POLR2B: variants seen among roughly 807,000 people sequenced by gnomAD.
The protein encoded by POLR2B is DNA-directed RNA polymerase II subunit RPB2.
POLR2B carries 57 observed loss-of-function variants against 144.6 expected under a neutral mutation model. The observed-to-expected ratio is 0.39, with a 90% CI of 0.32 to 0.49. The LOEUF (loss-of-function observed/expected upper bound fraction) is 0.49. POLR2B is among the 20% of genes least tolerant of loss of function. The probability of loss-of-function intolerance (pLI) is 0.83; values close to 1 mark genes in which losing one functional copy is unlikely to be tolerated. For missense variants in POLR2B, 595 were observed against 1,467.4 expected (o/e 0.41, Z 9.71); for synonymous variants, 442 against 469.8 (o/e 0.94, Z 0.77).
At chr4:57,010,146 A>G in intron 10 of POLR2B, 1 of 489,846 alleles carries the variant, frequency 2.0e-6, no homozygotes. Context: ...GACCATAAAC[A>G]GAATGTTTAT....
rs554435829 is a variant in POLR2B at position 57,010,558 on chromosome 4, G to A, written c.1548+54G>A. ...AAAAAGTCAGTGGGTAATTATGTAG[G>A]GCATAATTACTTTTAGAAATAGATG... On this transcript the variant is annotated intron_variant, in intron 11 of 24. Coordinates refer to ENST00000314595, the MANE Select transcript of POLR2B (RefSeq NM_000938.3). The A allele has an allele frequency of 4.0e-6, 6 of 1,509,616 alleles. No homozygotes were observed. In the South Asian group the frequency reaches 7.4e-5, roughly 19 times the overall value. The allele number at this position is 1,509,616 out of a possible 1,614,324, so 93.5% of individuals were successfully genotyped here. A position where few individuals can be genotyped will look rare whatever the true frequency, so the allele number is the denominator to read the frequency against.
In POLR2B at chr4:56,978,935, GT is replaced by G; in HGVS notation, c.-46del. 2 of 1,597,984 alleles carry G rather than the reference GT, an allele frequency of 1.3e-6. No individual in the cohort carries two copies. The highest frequency in any genetic ancestry group is 1.7e-6 in the Non-Finnish European group (2 of 1,165,592). On this transcript the variant is annotated 5_prime_UTR_variant, in exon 1 of 25. Transcript: ENST00000314595. ...TCCTGGCGCTGCTGGCTTCTGGGCG[GT>G]TTTTGTCTTTTGATTTCAAGAGTTA...
At chr4:56,996,278 A>ATTTTT (rs869299001) in intron 6 of POLR2B, among the ~76,000 whole-genome samples, 7 of 59,740 alleles carry the variant, frequency 1.2e-4, no homozygotes, top group South Asian at 8.1e-4. Flanking sequence ...ATATATATAT[A>ATTTTT]TTTTTTTTTT....
At position 57,025,549 on chromosome 4, in the gene POLR2B, A is replaced by G. The variant is rs1723688304; in HGVS notation, c.3239+12A>G. 2.0e-6 allele frequency: 3 copies of G among 1,521,326 alleles called. No homozygotes were observed. The highest frequency in any genetic ancestry group is 1.1e-5 in the South Asian group (1 of 88,442). 94.2% of individuals were successfully genotyped at this position (1,521,326 alleles called of 1,614,324 possible). A position where few individuals can be genotyped will look rare whatever the true frequency, so the allele number is the denominator to read the frequency against. ...GAGGGTAGATCTCGGTAAGAACTGT[A>G]TCATCATCATTATTATTAATTAACC... is the stretch of plus-strand genomic sequence containing the variant. On this transcript the variant is annotated intron_variant, in intron 23 of 24. Coordinates refer to ENST00000314595, the MANE Select transcript of POLR2B (RefSeq NM_000938.3).
chr4:57,002,631 A>G (rs951175402), intron 7 of POLR2B: 5 of 152,178 alleles, frequency 3.3e-5, no homozygotes, highest in African/African-American at 1.2e-4. Context: ...TTTGGTTGAC[A>G]TGGCCTTTTT....
intron 1 of POLR2B, among the ~76,000 whole-genome samples, chr4:56,980,741 C>G (rs1176289246): frequency 6.6e-6 from 1 of 151,960 alleles, no homozygotes; most frequent in Admixed American, 6.6e-5. Flanking sequence ...CACCATCTGC[C>G]CAGTTTGAAC....
intron 23 of POLR2B, among the ~76,000 whole-genome samples, chr4:57,026,640 G>C (rs1436212531): frequency 1.3e-5 from 2 of 151,986 alleles, no homozygotes; most frequent in Non-Finnish European, 2.9e-5. Context: ...GCTCACACCT[G>C]TAATCCCAGC....
intron 1 of POLR2B, among the ~76,000 whole-genome samples, chr4:56,980,786 T>C (rs1722133426): frequency 6.6e-6 from 1 of 151,940 alleles, no homozygotes; most frequent in Non-Finnish European, 1.5e-5. Context: ...ATAACAGTTA[T>C]AAGAGGTTCT....
chr4:57,019,004 T>C (rs889650427), intron 16 of POLR2B, among the ~76,000 whole-genome samples: 6 of 152,196 alleles, frequency 3.9e-5, no homozygotes, highest in Non-Finnish European at 8.8e-5. Flanking sequence ...GTAACATTTG[T>C]TATTTGTTAG....
chr4:57,012,650 T>C (rs1723228692), intron 13 of POLR2B, among the ~76,000 whole-genome samples: 2 of 147,020 alleles, frequency 1.4e-5, no homozygotes, highest in Admixed American at 6.9e-5. Flanking sequence ...CAGCAGACCC[T>C]GAGTGTTTTT....
At chr4:57,001,239 A>G (rs976115167) in intron 7 of POLR2B, among the ~76,000 whole-genome samples, 1 of 151,848 alleles carries the variant, frequency 6.6e-6, no homozygotes, top group Non-Finnish European at 1.5e-5. Flanking sequence ...GCACAATCTC[A>G]GCTCTGCCTC....
At chr4:57,027,537 G>T (rs950700090) in intron 23 of POLR2B, among the ~76,000 whole-genome samples, 2 of 151,798 alleles carry the variant, frequency 1.3e-5, no homozygotes, top group Non-Finnish European at 2.9e-5. Flanking sequence ...AAACTCCTGA[G>T]CTTAAGTGAT....
intron 10 of POLR2B, 176 bp from the exon 11 acceptor site, chr4:57,010,185 C>A: frequency 1.7e-6 from 1 of 579,826 alleles, no homozygotes. Flanking sequence ...TTTGCCATCC[C>A]TGCTGCAAGT....
intron 18 of POLR2B, among the ~76,000 whole-genome samples, chr4:57,022,567 C>G (rs909142236): frequency 6.6e-6 from 1 of 152,134 alleles, no homozygotes; most frequent in Non-Finnish European, 1.5e-5. Flanking sequence ...CCCTTCCTTT[C>G]TAAATTATGG....
At chr4:56,996,597 A>G (rs1722698784) in intron 6 of POLR2B, among the ~76,000 whole-genome samples, 4 of 151,636 alleles carry the variant, frequency 2.6e-5, no homozygotes, top group Admixed American at 2.6e-4. Flanking sequence ...AATTTTATTT[A>G]ATAATTATGC....
At chr4:56,987,285 C>T (rs924204352) in intron 2 of POLR2B, among the ~76,000 whole-genome samples, 5 of 152,222 alleles carry the variant, frequency 3.3e-5, no homozygotes, top group Middle Eastern at 3.4e-3. Flanking sequence ...AAATTCCCAT[C>T]CAATTCTAAG....
chr4:57,022,020 G>A, intron 17 of POLR2B, 132 bp from the exon 18 acceptor site: 1 of 611,464 alleles, frequency 1.6e-6, no homozygotes. Flanking sequence ...GATCCTTAAT[G>A]CAGTTACTCT....
At position 57,017,450 on chromosome 4, in the gene POLR2B, GA is replaced by G. The variant is rs1388302423; in HGVS notation, c.2155-103del. 1.0e-6 allele frequency: 1 copy of G among 991,218 alleles called. No homozygotes were observed. The highest frequency in any genetic ancestry group is 1.5e-6 in the Non-Finnish European group (1 of 677,706). 61.4% of individuals were successfully genotyped at this position (991,218 alleles called of 1,614,324 possible). A position where few individuals can be genotyped will look rare whatever the true frequency, so the allele number is the denominator to read the frequency against. On this transcript the variant is annotated intron_variant, in intron 15 of 24. Transcript: ENST00000314595. This position sits in a 1 kb window ranked among gnomAD's most constrained non-coding sequence, Gnocchi z 4.8. Reference sequence around the variant, plus strand: ...CAAATGGTTATTACTTACTGTTTTTGAAAAAAATCAGGAGTTTTACCAATCA... The same window carrying G: ...CAAATGGTTATTACTTACTGTTTTTGAAAAAATCAGGAGTTTTACCAATCA...
Position 57,023,248 on chromosome 4 carries a change from C to A in POLR2B, c.2516-82C>A. On this transcript the variant is annotated intron_variant, in intron 18 of 24. Transcript: ENST00000314595. This position sits in a 1 kb window ranked among gnomAD's most constrained non-coding sequence, Gnocchi z 4.3. ...GGTATAGAGACTCCTGTGGCCTTCT[C>A]TCTGACTTGGAACTGATTCATGTAT... is the stretch of plus-strand genomic sequence containing the variant. 1 of 1,411,962 alleles carries A rather than the reference C, an allele frequency of 7.1e-7. No homozygotes were observed. Among genetic ancestry groups the A allele is most frequent in the Non-Finnish European group, 9.8e-7 (1 of 1,017,056 alleles). 87.5% of individuals were successfully genotyped at this position (1,411,962 alleles called of 1,614,324 possible). A position where few individuals can be genotyped will look rare whatever the true frequency, so the allele number is the denominator to read the frequency against.
Sources: gnomAD v4.1 joint callset for allele counts (sites outside exome capture counted in the v4.1 genomes callset) on GRCh38, gnomAD v4.1.1 for gene constraint, Gnocchi (gnomAD v3.1) non-coding constraint, MANE v1.5 for transcripts, NCBI Gene and HGNC (gene_info 2026-07-23, HGNC 2026-07-21) for gene names.